TMPRSS11D: variants seen among roughly 807,000 people sequenced by gnomAD.
TMPRSS11D encodes the protein transmembrane serine protease 11D.
A neutral mutation model predicts 44.4 loss-of-function variants in TMPRSS11D; 32 were observed. That is an observed-to-expected ratio of 0.72 (90% CI 0.54 to 0.97). The LOEUF (loss-of-function observed/expected upper bound fraction) is 0.97. TMPRSS11D is among the 50% of genes least tolerant of loss of function. The pLI is 0.00. For missense variants in TMPRSS11D, 446 were observed against 502.6 expected (o/e 0.89, Z 1.08); for synonymous variants, 179 against 177.9 (o/e 1.01, Z -0.05).
intron 4 of TMPRSS11D, among the ~76,000 whole-genome samples, chr4:67,840,744 T>A (rs1462548250): frequency 2.6e-5 from 4 of 152,188 alleles, no homozygotes; most frequent in South Asian, 2.1e-4. Flanking sequence ...GTGATTATTA[T>A]GCATTGTTTG....
intron 3 of TMPRSS11D, among the ~76,000 whole-genome samples, chr4:67,853,375 C>T (rs1316654601): frequency 6.6e-6 from 1 of 152,196 alleles, no homozygotes; most frequent in Non-Finnish European, 1.5e-5. Flanking sequence ...CTCACCAAAG[C>T]AACCCTGCCA....
intron 3 of TMPRSS11D, among the ~76,000 whole-genome samples, chr4:67,846,416 T>C (rs1718358629): frequency 6.6e-6 from 1 of 152,106 alleles, no homozygotes; most frequent in South Asian, 2.1e-4. Flanking sequence ...GTGGATAGAA[T>C]TTATAATTTT....
Position 67,822,201 on chromosome 4 carries a change from T to A in TMPRSS11D, c.*136A>T. ...ATAATAAAGAAAGGTTAAACAGTGTTTGTTAAACCATATTTATGTAACAAG... is the reference window on the plus strand; with the variant it reads ...ATAATAAAGAAAGGTTAAACAGTGTATGTTAAACCATATTTATGTAACAAG... On this transcript the variant is annotated 3_prime_UTR_variant, in exon 10 of 10. Transcript: ENST00000283916. 1 of 1,004,794 alleles carries A rather than the reference T, an allele frequency of 1.0e-6. No individual in the cohort carries two copies. The highest frequency in any genetic ancestry group is 1.7e-5 in the South Asian group (1 of 59,956). The allele number at this position is 1,004,794 out of a possible 1,614,324, so 62.2% of individuals were successfully genotyped here.
intron 4 of TMPRSS11D, among the ~76,000 whole-genome samples, chr4:67,840,533 G>A (rs1260253213): frequency 6.6e-6 from 1 of 152,152 alleles, no homozygotes; most frequent in African/African-American, 2.4e-5. Context: ...GACAAATGAC[G>A]TAAAAGAGGG....
chr4:67,874,384 C>T (rs1195411227), intron 1 of TMPRSS11D, among the ~76,000 whole-genome samples: 2 of 152,050 alleles, frequency 1.3e-5, no homozygotes, highest in Non-Finnish European at 2.9e-5. Context: ...TTGTAATGCG[C>T]AATAGAAAGT....
In TMPRSS11D at chr4:67,821,352, T is replaced by G. The variant is rs2109651408; in HGVS notation, c.*985A>C. The G allele has an allele frequency of 6.6e-6, 1 of 152,280 alleles. No individual in the cohort carries two copies. Among genetic ancestry groups the G allele is most frequent in the East Asian group, 1.9e-4 (1 of 5,188 alleles). 9.4% of individuals were successfully genotyped at this position (152,280 alleles called of 1,614,324 possible). A position where few individuals can be genotyped will look rare whatever the true frequency, so the allele number is the denominator to read the frequency against. On this transcript the variant is annotated 3_prime_UTR_variant, in exon 10 of 10. Transcript: ENST00000283916. ...TCTATTGATATTAAGCTATTTAAACTTTTCCTTTGCAAACCAACTCTTCCC... is the reference window on the plus strand; with the variant it reads ...TCTATTGATATTAAGCTATTTAAACGTTTCCTTTGCAAACCAACTCTTCCC...
chr4:67,855,489 T>G (rs188343364), intron 2 of TMPRSS11D, among the ~76,000 whole-genome samples: 1 of 152,142 alleles, frequency 6.6e-6, no homozygotes, highest in Admixed American at 6.5e-5. Flanking sequence ...AGATGTTCAA[T>G]AGATTCCATA....
chr4:67,859,756 C>G (rs986010342), intron 1 of TMPRSS11D, 78 bp from the exon 2 acceptor site: 2 of 1,559,964 alleles, frequency 1.3e-6, no homozygotes, highest in African/African-American at 1.4e-5. Context: ...TGATTGTCTT[C>G]TGTCTTTCCC....
Position 67,833,339 on chromosome 4 carries a change from C to A in TMPRSS11D, c.557G>T (p.Arg186Ile), listed in dbSNP as rs1054757379. ...CTCAGCCTCAGTGCCTCCAAGGATTCTCTGCTCAGACAATGTTATTAGGTC... is the reference window on the plus strand; with the variant it reads ...CTCAGCCTCAGTGCCTCCAAGGATTATCTGCTCAGACAATGTTATTAGGTC... ...GPDLITLSEQRILGGTEAEEG... is the reference protein window; with the variant it reads ...GPDLITLSEQIILGGTEAEEG... The change falls in exon 7 of 10, where the codon AGA (arginine) becomes ATA (isoleucine). Residue 186 changes from arginine to isoleucine, a missense_variant. Physicochemically the swap from Arg to Ile is moderately conservative, Grantham distance 97 (BLOSUM62 -3). Transcript: ENST00000283916. 2 of 1,589,116 alleles carry A rather than the reference C, an allele frequency of 1.3e-6. No individual in the cohort carries two copies. The highest frequency in any genetic ancestry group is 1.7e-6 in the Non-Finnish European group (2 of 1,168,378).
chr4:67,878,732 T>A (rs1313918531), intron 1 of TMPRSS11D, among the ~76,000 whole-genome samples: 1 of 152,132 alleles, frequency 6.6e-6, no homozygotes, highest in Non-Finnish European at 1.5e-5. Flanking sequence ...GAGACCAGCC[T>A]GACCAACATG....
In TMPRSS11D at chr4:67,827,653, A is replaced by G; in HGVS notation, c.693-133T>C. ...ACATCTCTTTGCTATATTTTCCTGC[A>G]TTATAAGCTGGCAAGTGAGTTTAAT... On this transcript the variant is annotated intron_variant, in intron 7 of 9. Coordinates refer to ENST00000283916, the MANE Select transcript of TMPRSS11D (RefSeq NM_004262.3). 3 of 1,012,796 alleles carry G rather than the reference A, an allele frequency of 3.0e-6. No individual in the cohort carries two copies. The South Asian group carries it at 6.3e-5, about 21-fold the overall frequency. 62.7% of individuals were successfully genotyped at this position (1,012,796 alleles called of 1,614,324 possible).
chr4:67,865,140 T>TA (rs1195703901), intron 1 of TMPRSS11D, among the ~76,000 whole-genome samples: 1 of 151,714 alleles, frequency 6.6e-6, no homozygotes, highest in Non-Finnish European at 1.5e-5. Flanking sequence ...GAAGAAACTT[T>TA]AAAAAATCAA....
intron 1 of TMPRSS11D, among the ~76,000 whole-genome samples, chr4:67,881,898 A>G (rs759805804): frequency 2.6e-5 from 4 of 152,198 alleles, no homozygotes; most frequent in Non-Finnish European, 5.9e-5. Flanking sequence ...ATCTTTCCAT[A>G]AACTACATTC....
At chr4:67,847,307 G>A (rs938268862) in intron 3 of TMPRSS11D, among the ~76,000 whole-genome samples, 2 of 152,110 alleles carry the variant, frequency 1.3e-5, no homozygotes, top group Non-Finnish European at 2.9e-5. Context: ...CCACTGACTG[G>A]CATTGCTTTA....
At chr4:67,844,195 C>T (rs1718302292) in intron 3 of TMPRSS11D, among the ~76,000 whole-genome samples, 1 of 152,170 alleles carries the variant, frequency 6.6e-6, no homozygotes, top group South Asian at 2.1e-4. Flanking sequence ...AATTAAGTAG[C>T]ATGCTGGATA....
rs770318030 is a variant in TMPRSS11D at position 67,874,913 on chromosome 4, GA to G, written c.8+9012del. Among the ~76,000 whole-genome samples, 7 of 151,712 alleles carry G rather than the reference GA, an allele frequency of 4.6e-5. 1 individual carries two copies. The South Asian group carries it at 8.3e-4, about 18-fold the overall frequency. The stretch of plus-strand genomic sequence containing the variant: ...CTACTAAATCATAATTGTTCTCATA[GA>G]AAAAAAAGGTGACTTTTAGTGAATC... On this transcript the variant is annotated intron_variant, in intron 1 of 9. Coordinates refer to ENST00000283916, the MANE Select transcript of TMPRSS11D (RefSeq NM_004262.3).
chr4:67,838,139 G>C (rs1336590852), intron 5 of TMPRSS11D, 33 bp downstream of exon 5: 1 of 1,456,618 alleles, frequency 6.9e-7, no homozygotes, highest in African/African-American at 1.5e-5. Flanking sequence ...GGGATATATT[G>C]AAATAAAATT....
chr4:67,845,705 G>A (rs1313928469), intron 3 of TMPRSS11D, among the ~76,000 whole-genome samples: 1 of 152,130 alleles, frequency 6.6e-6, no homozygotes, highest in East Asian at 1.9e-4. Context: ...GAAAAAATGA[G>A]AACTATTTAA....
In TMPRSS11D at chr4:67,862,800, C is replaced by T. The variant is rs186232675; in HGVS notation, c.9-3122G>A. On this transcript the variant is annotated intron_variant, in intron 1 of 9. Transcript: ENST00000283916. ...GAAACCATCATTCTCAGCAAACTAT[C>T]GCAAGGACAAAAAACCAAACACCGC... Among the ~76,000 whole-genome samples, 431 of 151,966 alleles carry T rather than the reference C, an allele frequency of 2.8e-3. 3 individuals are homozygous for T. Among genetic ancestry groups the T allele is most frequent in the African/African-American group, 9.8e-3 (408 of 41,458 alleles).
Sources: gnomAD v4.1 joint callset for allele counts (sites outside exome capture counted in the v4.1 genomes callset) on GRCh38, gnomAD v4.1.1 for gene constraint, MANE v1.5 for transcripts, NCBI Gene and HGNC (gene_info 2026-07-23, HGNC 2026-07-21) for gene names.